The following TMEM131 variants were observed in gnomAD, a reference collection of about 807,000 sequenced individuals.
TMEM131 encodes 2610524E03Rik.
Under a neutral mutation model 211.6 loss-of-function variants are expected in TMEM131, and 66 were observed. That is an observed-to-expected ratio of 0.31 (90% CI 0.26 to 0.38). The LOEUF is 0.38. TMEM131 is among the 10% of genes least tolerant of loss of function. TMEM131 has a pLI of 1.00. For synonymous variants in TMEM131, 844 were observed against 841.3 expected, an observed-to-expected ratio of 1.00 and a Z score of -0.06; for missense variants, 2,036 against 2,299.3, an observed-to-expected ratio of 0.89 and a Z score of 2.34.
intron 3 of TMEM131, among the ~76,000 whole-genome samples, chr2:97,908,270 C>T (rs1276105830): frequency 2.6e-5 from 4 of 152,134 alleles, no homozygotes; most frequent in African/African-American, 4.8e-5. Context: ...GACTGGGTTT[C>T]GCAGGTCTGA....
At chr2:97,844,010 T>C in intron 6 of TMEM131, 135 bp downstream of exon 6, 1 of 342,912 alleles carries the variant, frequency 2.9e-6, no homozygotes, top group Non-Finnish European at 5.5e-6. Flanking sequence ...TCACTGTAAG[T>C]ATAAAAATGC....
rs536548039 is a variant in TMEM131, at chr2:97,968,809, G to A, written c.187+26667C>T. ...ATCAGAATAAGGATATCGGGCAGGC[G>A]CACTGGTTCTTGCCTGTAATCCCAG... On this transcript the variant is annotated intron_variant, in intron 1 of 40. Transcript: ENST00000186436. Among the ~76,000 whole-genome samples, 22 of 152,224 alleles carry A rather than the reference G, an allele frequency of 1.4e-4. No homozygotes were observed. In the South Asian group the frequency reaches 3.5e-3, roughly 24 times the overall value.
intron 5 of TMEM131, among the ~76,000 whole-genome samples, chr2:97,854,989 T>C (rs1047718146): frequency 2.0e-5 from 3 of 152,202 alleles, no homozygotes; most frequent in Non-Finnish European, 2.9e-5. Context: ...TTCTAAGATC[T>C]TATAAAATTT....
chr2:97,830,132 TAAAAAAAAAAAA>T (rs60531384), intron 11 of TMEM131, among the ~76,000 whole-genome samples: 1 of 72,350 alleles, frequency 1.4e-5, no homozygotes, highest in Non-Finnish European at 2.6e-5. Flanking sequence ...CATTATCAGT[TAAAAAAAAAAAA>T]AAAAAAAAAA....
chr2:97,919,614 A>C (rs1032344516), intron 2 of TMEM131, among the ~76,000 whole-genome samples: 2 of 152,160 alleles, frequency 1.3e-5, no homozygotes, highest in South Asian at 2.1e-4. Flanking sequence ...TTTGTTGCCC[A>C]GGCCGGAGTG....
intron 1 of TMEM131, among the ~76,000 whole-genome samples, chr2:97,949,733 T>C (rs940723516): frequency 3.6e-5 from 5 of 137,594 alleles, no homozygotes; most frequent in African/African-American, 1.1e-4. Context: ...GGCAGAAGAA[T>C]GGCATGAACC....
In TMEM131 at chr2:97,759,286, A is replaced by G. The variant is rs1001070382; in HGVS notation, c.5207-233T>C. 7.0e-6 allele frequency: 4 copies of G among 573,400 alleles called. No individual in the cohort carries two copies. In the African/African-American group the frequency reaches 7.5e-5, roughly 11 times the overall value. 35.5% of individuals were successfully genotyped at this position (573,400 alleles called of 1,614,324 possible). On this transcript the variant is annotated intron_variant, in intron 39 of 40. Coordinates refer to ENST00000186436, the MANE Select transcript of TMEM131 (RefSeq NM_015348.2). ...TGACATCCAAATGCAAACTTTCCCC[A>G]CTCTCACATGATAGCTAATGGGAAG...
intron 1 of TMEM131, among the ~76,000 whole-genome samples, chr2:97,966,993 T>G (rs1236109051): frequency 6.6e-6 from 1 of 151,924 alleles, no homozygotes; most frequent in Non-Finnish European, 1.5e-5. Context: ...TTCACAGGTG[T>G]GAATTCAACC....
intron 25 of TMEM131, among the ~76,000 whole-genome samples, chr2:97,799,564 T>C (rs186692070): frequency 4.7e-4 from 71 of 152,350 alleles, no homozygotes; most frequent in Non-Finnish European, 8.5e-4. Context: ...ATTCAAGCTT[T>C]TGAGCAAAAT....
At chr2:97,994,174 T>C (rs946129656) in intron 1 of TMEM131, among the ~76,000 whole-genome samples, 2 of 152,238 alleles carry the variant, frequency 1.3e-5, no homozygotes, top group African/African-American at 4.8e-5. Flanking sequence ...CGATCACACA[T>C]AAGAAAGAAC....
At chr2:97,947,905 C>A (rs1264666029) in intron 1 of TMEM131, among the ~76,000 whole-genome samples, 1 of 152,078 alleles carries the variant, frequency 6.6e-6, no homozygotes, top group Admixed American at 6.6e-5. Flanking sequence ...CTGATTGCAA[C>A]AGGGTGCCAA....
chr2:97,994,035 G>A (rs1285373679), intron 1 of TMEM131, among the ~76,000 whole-genome samples: 1 of 152,188 alleles, frequency 6.6e-6, no homozygotes, highest in African/African-American at 2.4e-5. Context: ...GGTAAGCAAA[G>A]GAACAGAAAA....
At chr2:97,780,058 C>A (rs369238583) in intron 31 of TMEM131, among the ~76,000 whole-genome samples, 3,239 of 149,818 alleles carry the variant, frequency 0.022, 58 homozygotes, top group African/African-American at 0.046. Context: ...AACAAACAAA[C>A]AAAAAAAAAC....
intron 28 of TMEM131, among the ~76,000 whole-genome samples, chr2:97,795,972 G>A (rs181187551): frequency 9.4e-4 from 143 of 151,890 alleles, no homozygotes; most frequent in African/African-American, 3.3e-3. Flanking sequence ...GATCCACTTC[G>A]GAGATAAAGT....
intron 3 of TMEM131, among the ~76,000 whole-genome samples, chr2:97,899,287 C>G (rs72942873): frequency 0.01 from 1,591 of 152,136 alleles, 34 homozygotes; most frequent in African/African-American, 0.036. Flanking sequence ...TGCATACTTA[C>G]GAAGAAGTGT....
intron 5 of TMEM131, among the ~76,000 whole-genome samples, chr2:97,852,610 A>G (rs1002197673): frequency 6.6e-6 from 1 of 152,256 alleles, no homozygotes; most frequent in East Asian, 1.9e-4. Flanking sequence ...AGCCAGCTCC[A>G]TCACATAAAA....
At chr2:97,924,094 T>C (rs1676873501) in intron 2 of TMEM131, among the ~76,000 whole-genome samples, 1 of 150,874 alleles carries the variant, frequency 6.6e-6, no homozygotes, top group African/African-American at 2.4e-5. Context: ...AAAAAAAAGT[T>C]AGATTAGAGG....
At chr2:97,805,229 C>G in intron 21 of TMEM131, 24 bp from the exon 22 acceptor site, 3 of 1,599,132 alleles carry the variant, frequency 1.9e-6, no homozygotes. Flanking sequence ...ACATACTTAA[C>G]CTGCATCTAT....
chr2:97,978,072 G>A (rs1176492906), intron 1 of TMEM131, among the ~76,000 whole-genome samples: 1 of 152,064 alleles, frequency 6.6e-6, no homozygotes, highest in East Asian at 1.9e-4. Context: ...GGGTGACAGA[G>A]CAAGACTCGG....
Sources: allele counts gnomAD v4.1 joint callset (sites outside exome capture counted in the v4.1 genomes callset), GRCh38; gene constraint gnomAD v4.1.1; transcripts MANE v1.5; gene names NCBI Gene and HGNC (gene_info 2026-07-23, HGNC 2026-07-21).